The following RANBP2 variants were observed in gnomAD, a reference collection of about 807,000 sequenced individuals.
RANBP2 encodes RAN binding protein 2.
In RANBP2, 57 loss-of-function variants were observed where a neutral mutation model predicts 303.6. That is an observed-to-expected ratio of 0.19 (90% CI 0.15 to 0.23). The LOEUF (loss-of-function observed/expected upper bound fraction) is 0.23. Among genes scored for constraint, RANBP2 ranks in the 10% least tolerant of loss-of-function variants. The probability of loss-of-function intolerance (pLI) is 1.00; values close to 1 mark genes in which losing one functional copy is unlikely to be tolerated. For synonymous variants in RANBP2, 1,167 were observed against 1,301.5 expected (o/e 0.90, Z 2.23); for missense variants, 3,138 against 3,780.8 (o/e 0.83, Z 4.46).
chr2:109,196,720 C>T, the RANBP2 span, among the ~76,000 whole-genome samples: 34 of 152,226 alleles, frequency 2.2e-4, no homozygotes, highest in East Asian at 3.7e-3. Context: ...TGCCTCCTCC[C>T]GGAGGAGGGA....
At chr2:109,209,620 G>A in the RANBP2 span, among the ~76,000 whole-genome samples, 11 of 152,068 alleles carry the variant, frequency 7.2e-5, no homozygotes, top group Admixed American at 5.2e-4. Context: ...TGTGTAGGTG[G>A]GGAGGAAAGG....
At chr2:109,104,506 C>T in the RANBP2 span, among the ~76,000 whole-genome samples, 59 of 146,054 alleles carry the variant, frequency 4.0e-4, no homozygotes, top group Middle Eastern at 3.6e-3. Flanking sequence ...TTTTTTGAGA[C>T]GGAGTCTCGC....
the RANBP2 span, among the ~76,000 whole-genome samples, chr2:109,308,302 C>A: frequency 8.3e-6 from 1 of 120,930 alleles, no homozygotes; most frequent in Non-Finnish European, 1.6e-5. Flanking sequence ...TGTTTGAGTT[C>A]ATTGTAGATT....
At chr2:109,340,106 G>A in the RANBP2 span, among the ~76,000 whole-genome samples, 1 of 152,188 alleles carries the variant, frequency 6.6e-6, no homozygotes, top group Non-Finnish European at 1.5e-5. Context: ...GGGAGTAGCA[G>A]CTAAATAATG....
intron 4 of RANBP2, among the ~76,000 whole-genome samples, chr2:108,732,600 T>C (rs1251586040): frequency 2.0e-5 from 3 of 152,206 alleles, no homozygotes; most frequent in Non-Finnish European, 4.4e-5. Context: ...TGTATAGTTT[T>C]CTTTCATTTT....
At chr2:108,817,920 A>G in the RANBP2 span, among the ~76,000 whole-genome samples, 3 of 152,198 alleles carry the variant, frequency 2.0e-5, no homozygotes, top group Admixed American at 6.5e-5. Context: ...ACCTACATCA[A>G]TTATTTCCCT....
Position 108,764,107 on chromosome 2 carries a change from G to C in RANBP2, c.3568G>C (p.Asp1190His). ...GATTGAAGTAAAAACTGGTGAGGAA[G>C]ATGAAGAAGAATTCTTTTGCAACCG... ...DKIEVKTGEE[D>H]EEEFFCNRAK... The change falls in exon 20 of 29, where the codon GAT becomes CAT. Residue 1190 changes from aspartate to histidine, a missense_variant. Physicochemically the swap from Asp to His is moderately conservative, Grantham distance 81. This residue lies in a region of RANBP2 where 403 missense variants were observed against 376.7 expected (regional missense o/e 1.07). Transcript: ENST00000283195. 6.2e-7 allele frequency: 1 copy of C among 1,614,090 alleles called. No individual in the cohort carries two copies. The highest frequency in any genetic ancestry group is 8.5e-7 in the Non-Finnish European group (1 of 1,179,980).
the RANBP2 span, among the ~76,000 whole-genome samples, chr2:109,473,145 A>G: frequency 9.2e-5 from 14 of 152,320 alleles, no homozygotes; most frequent in African/African-American, 3.4e-4. Context: ...CATTAACTCA[A>G]GTTAACTCTT....
At chr2:109,490,768 G>A in the RANBP2 span, 5 of 1,536,496 alleles carry the variant, frequency 3.3e-6, no homozygotes, top group Non-Finnish European at 4.4e-6. Context: ...TCCATCCACG[G>A]CAGGGCAGGG....
chr2:109,325,831 A>G, the RANBP2 span, among the ~76,000 whole-genome samples: 13 of 152,228 alleles, frequency 8.5e-5, no homozygotes, highest in African/African-American at 2.7e-4. Context: ...TGGCCCGAGC[A>G]GGGACCACAC....
At chr2:108,867,786 TTGAATG>T in the RANBP2 span, among the ~76,000 whole-genome samples, 2 of 152,356 alleles carry the variant, frequency 1.3e-5, no homozygotes, top group Middle Eastern at 6.8e-3. Context: ...TTGGTTGGTA[TTGAATG>T]TTGCTGTGTT....
chr2:109,397,970 A>G, the RANBP2 span, among the ~76,000 whole-genome samples: 1 of 152,208 alleles, frequency 6.6e-6, no homozygotes, highest in Admixed American at 6.5e-5. Context: ...ATCACTCAAG[A>G]TGACAGATTA....
chr2:109,346,868 T>C, the RANBP2 span, among the ~76,000 whole-genome samples: 1 of 152,136 alleles, frequency 6.6e-6, no homozygotes, highest in East Asian at 1.9e-4. Flanking sequence ...CCTTGAACAA[T>C]TGTACTTCTG....
the RANBP2 span, among the ~76,000 whole-genome samples, chr2:109,283,383 T>A: frequency 6.6e-6 from 1 of 152,066 alleles, no homozygotes; most frequent in Non-Finnish European, 1.5e-5. Flanking sequence ...CTCACTGCGT[T>A]GAAATTGAGT....
At chr2:108,744,907 C>T (rs1322015853) in intron 7 of RANBP2, among the ~76,000 whole-genome samples, 1 of 152,176 alleles carries the variant, frequency 6.6e-6, no homozygotes, top group Admixed American at 6.5e-5. Context: ...ACATATATAT[C>T]TCCTGTCTTT....
the RANBP2 span, among the ~76,000 whole-genome samples, chr2:109,285,583 G>A: frequency 6.6e-6 from 1 of 152,210 alleles, no homozygotes; most frequent in Non-Finnish European, 1.5e-5. Context: ...GTCATGTTCT[G>A]GCCACGGTCA....
chr2:108,936,239 A>C, the RANBP2 span, among the ~76,000 whole-genome samples: 3 of 152,226 alleles, frequency 2.0e-5, no homozygotes, highest in African/African-American at 7.2e-5. Context: ...GGCAGGCCTG[A>C]TGGTTCGGAG....
chr2:109,640,008 G>A, the RANBP2 span, among the ~76,000 whole-genome samples: 1 of 150,968 alleles, frequency 6.6e-6, no homozygotes, highest in Non-Finnish European at 1.5e-5. Flanking sequence ...ACTGCGCCCA[G>A]CCATAATACT....
the RANBP2 span, among the ~76,000 whole-genome samples, chr2:109,733,550 T>C: frequency 1.3e-5 from 2 of 152,074 alleles, no homozygotes; most frequent in East Asian, 3.9e-4. Flanking sequence ...TGACACTGAA[T>C]TGAAAGTTCT....
Sources: allele counts gnomAD v4.1 joint callset (sites outside exome capture counted in the v4.1 genomes callset), GRCh38; gene constraint gnomAD v4.1.1; regional missense constraint gnomAD v4.1.1; transcripts MANE v1.5; gene names NCBI Gene and HGNC (gene_info 2026-07-23, HGNC 2026-07-21).